MINAR1: variants seen among roughly 807,000 people sequenced by gnomAD.
MINAR1 encodes the protein major intrinsically disordered Notch2-binding receptor 1.
In MINAR1, 40 loss-of-function variants were observed where a neutral mutation model predicts 65.1. The observed-to-expected ratio is 0.61, with a 90% CI of 0.48 to 0.80. MINAR1 has a LOEUF of 0.80. MINAR1 is among the 30% of genes least tolerant of loss of function. The pLI is 0.00. For synonymous variants in MINAR1, 482 were observed against 449.1 expected, an observed-to-expected ratio of 1.07 and a Z score of -0.93; for missense variants, 1,128 against 1,148.0, an observed-to-expected ratio of 0.98 and a Z score of 0.25.
At chr15:79,442,626 A>G (rs1276787736) in intron 1 of MINAR1, among the ~76,000 whole-genome samples, 1 of 151,598 alleles carries the variant, frequency 6.6e-6, no homozygotes, top group Non-Finnish European at 1.5e-5. Flanking sequence ...AACAAAACAT[A>G]AACAATAGCA....
intron 3 of MINAR1, chr15:79,463,818 T>G: frequency 1.3e-5 from 6 of 451,616 alleles, no homozygotes; most frequent in Middle Eastern, 3.3e-4. Context: ...GCATGTTTTT[T>G]GTTCACCCAC....
intron 1 of MINAR1, among the ~76,000 whole-genome samples, chr15:79,435,268 A>G (rs181797267): frequency 2.1e-5 from 3 of 143,300 alleles, no homozygotes; most frequent in Non-Finnish European, 4.6e-5. Flanking sequence ...AAGAACAAAA[A>G]TCCGTCTCAA....
chr15:79,457,108 C>T lies in MINAR1; in HGVS notation c.961C>T (p.Pro321Ser). The T allele has an allele frequency of 6.2e-7, 1 of 1,614,156 alleles. No individual in the cohort carries two copies. The highest frequency in any genetic ancestry group is 8.5e-7 in the Non-Finnish European group (1 of 1,180,028). Residue 321 changes from proline (P) to serine (S), a missense_variant, in exon 2 of 4, where the codon CCT (proline) becomes TCT (serine). Coordinates refer to ENST00000305428, the MANE Select transcript of MINAR1 (RefSeq NM_015206.3). ...QYLNPVYSPV[P>S]DKRRAKHESL... Reference sequence around the variant, plus strand: ...CCTGAATCCAGTGTATTCCCCGGTTCCTGACAAAAGGCGAGCAAAGCACGA... The same window carrying T: ...CCTGAATCCAGTGTATTCCCCGGTTTCTGACAAAAGGCGAGCAAAGCACGA...
rs768418988 is a variant in MINAR1 at position 79,457,892 on chromosome 15, CT to C, written c.1746del (p.Glu583LysfsTer10). Reference sequence around the variant, plus strand: ...AGCAAGGGAGACAAGGGCAACCGGCCTGAAAACACCCACCACTCGGAAGAAG... The same window carrying C: ...AGCAAGGGAGACAAGGGCAACCGGCCGAAAACACCCACCACTCGGAAGAAG... Reference protein sequence around the residue: ...PNSKGDKGNRPENTHHSEEEL... With the variant: ...PNSKGDKGNRXENTHHSEEEL... On this transcript the variant is annotated frameshift_variant, in exon 2 of 4. Transcript: ENST00000305428. LOFTEE classifies it high-confidence loss of function. 12 of 1,613,978 alleles carry C rather than the reference CT, an allele frequency of 7.4e-6. No homozygotes were observed. The highest frequency in any genetic ancestry group is 1.3e-5 in the African/African-American group (1 of 74,904).
upstream of MINAR1, among the ~76,000 whole-genome samples, chr15:79,432,131 A>G (rs1894457007): frequency 6.6e-6 from 1 of 152,020 alleles, no homozygotes; most frequent in South Asian, 2.1e-4. Flanking sequence ...GCCGACCGAG[A>G]CACAAAGACC....
intron 1 of MINAR1, among the ~76,000 whole-genome samples, chr15:79,448,308 A>G (rs1895077827): frequency 6.6e-6 from 1 of 151,992 alleles, no homozygotes. Flanking sequence ...CCCCTTCCCA[A>G]CTCCTTGCTG....
intron 3 of MINAR1, chr15:79,463,638 A>G: frequency 1.8e-6 from 1 of 563,740 alleles, no homozygotes; most frequent in South Asian, 1.5e-5. Flanking sequence ...ATTTGCTCAC[A>G]AGACCTGAGC....
chr15:79,450,601 G>A (rs1436880745), intron 1 of MINAR1, among the ~76,000 whole-genome samples: 1 of 151,918 alleles, frequency 6.6e-6, no homozygotes, highest in African/African-American at 2.4e-5. Flanking sequence ...GAGGTCATGT[G>A]CAGCCTAGAG....
rs759408261 is a variant in MINAR1 at position 79,468,245 on chromosome 15, C to T, written c.2612C>T (p.Pro871Leu). ...LEYWMEDIYT[P>L]GYDSLLKRKE... ...TACTGGATGGAAGACATTTATACTC[C>T]AGGATACGATTCATTACTAAAACGT... The change falls in exon 4 of 4, where the codon CCA (proline) becomes CTA (leucine). Residue 871 changes from proline (P) to leucine (L), a missense_variant. Pro to Leu is a moderately conservative substitution (Grantham distance 98, BLOSUM62 -3). Coordinates refer to ENST00000305428, the MANE Select transcript of MINAR1 (RefSeq NM_015206.3). 7 of 1,613,858 alleles carry T rather than the reference C, an allele frequency of 4.3e-6. No homozygotes were observed. In the Admixed American group the frequency reaches 8.3e-5, roughly 19 times the overall value.
At position 79,450,216 on chromosome 15, in the gene MINAR1, T is replaced by G. The variant is rs75838073; in HGVS notation, c.-50-5882T>G. On this transcript the variant is annotated intron_variant, in intron 1 of 3. Transcript: ENST00000305428. ...GTTTTCTTGACCATAAAATGAAGGG[T>G]TAGGCTGGAGTTCACTGTGGTCCCA... is the stretch of plus-strand genomic sequence containing the variant. 9.3e-3 allele frequency among the ~76,000 whole-genome samples: 1,420 copies of G among 152,254 alleles called. 16 individuals carry two copies. The highest frequency in any genetic ancestry group is 0.032 in the African/African-American group (1,318 of 41,514).
At chr15:79,414,731 A>G in the MINAR1 span, 11 of 152,188 alleles carry the variant, frequency 7.2e-5, no homozygotes, top group Non-Finnish European at 1.6e-4. Context: ...TTGAGAAGGT[A>G]TTGTGTGCTT....
At chr15:79,444,415 A>C (rs556348090) in intron 1 of MINAR1, among the ~76,000 whole-genome samples, 1 of 151,838 alleles carries the variant, frequency 6.6e-6, no homozygotes, top group Admixed American at 6.6e-5. Flanking sequence ...GGTAATGTTT[A>C]TTTGTTTTCT....
intron 1 of MINAR1, among the ~76,000 whole-genome samples, chr15:79,450,915 T>C (rs1895172097): frequency 6.6e-6 from 1 of 152,206 alleles, no homozygotes; most frequent in Non-Finnish European, 1.5e-5. Flanking sequence ...GCCTGTCACA[T>C]GGGAAGCTCT....
intron 1 of MINAR1, among the ~76,000 whole-genome samples, chr15:79,449,236 G>T (rs1457088551): frequency 3.3e-5 from 5 of 152,198 alleles, no homozygotes; most frequent in Admixed American, 3.3e-4. Flanking sequence ...GTAGGTTGCA[G>T]TGCTCATCTT....
chr15:79,464,168 T>A (rs1595954785), intron 3 of MINAR1, among the ~76,000 whole-genome samples: 1 of 152,098 alleles, frequency 6.6e-6, no homozygotes, highest in Non-Finnish European at 1.5e-5. Context: ...TAGCACTGGG[T>A]TTTCATCCAG....
chr15:79,454,447 A>G (rs1193274245), intron 1 of MINAR1, among the ~76,000 whole-genome samples: 2 of 152,230 alleles, frequency 1.3e-5, no homozygotes, highest in African/African-American at 2.4e-5. Flanking sequence ...AAATCAACAA[A>G]TCAGTTATCA....
chr15:79,430,435 G>A (rs1306539959), upstream of MINAR1, among the ~76,000 whole-genome samples: 8 of 152,138 alleles, frequency 5.3e-5, no homozygotes, highest in Admixed American at 5.2e-4. Context: ...AACTGTTCTC[G>A]GTTTTGGGAG....
chr15:79,450,958 T>C (rs1424630169), intron 1 of MINAR1, among the ~76,000 whole-genome samples: 3 of 152,178 alleles, frequency 2.0e-5, no homozygotes, highest in Non-Finnish European at 4.4e-5. Context: ...TGCTTGTTAA[T>C]TAAACCCATT....
intron 1 of MINAR1, among the ~76,000 whole-genome samples, chr15:79,452,658 G>C (rs1014370760): frequency 6.8e-6 from 1 of 147,020 alleles, no homozygotes; most frequent in African/African-American, 2.6e-5. Context: ...GTCTGGGTGA[G>C]TGTGGGTGTG....
Sources: gnomAD v4.1 joint callset for allele counts (sites outside exome capture counted in the v4.1 genomes callset) on GRCh38, gnomAD v4.1.1 for gene constraint, MANE v1.5 for transcripts, NCBI Gene and HGNC (gene_info 2026-07-23, HGNC 2026-07-21) for gene names.